PLB1: variants seen among roughly 807,000 people sequenced by gnomAD.
PLB1 encodes the protein phospholipase B1, membrane-associated.
A neutral mutation model predicts 227.4 loss-of-function variants in PLB1; 242 were observed. That is an observed-to-expected ratio of 1.06 (90% confidence interval 0.96 to 1.18). The LOEUF is 1.18. Among genes scored for constraint, PLB1 ranks in the 50% most tolerant of loss-of-function variants. The pLI is 0.00. For synonymous variants in PLB1, 757 were observed against 682.2 expected (o/e 1.11, Z -1.71); for missense variants, 1,858 against 1,816.3 (o/e 1.02, Z -0.42).
intron 56 of PLB1, among the ~76,000 whole-genome samples, chr2:28,637,577 C>A (rs2148349876): frequency 6.6e-6 from 1 of 152,342 alleles, no homozygotes; most frequent in South Asian, 2.1e-4. Flanking sequence ...GCAGGCCAGG[C>A]CCCATAGCAC....
chr2:28,643,911 C>A lies in PLB1; in HGVS notation c.*850C>A, dbSNP rs1423829375. ...AGTCTGAAAATATGGGCTGCATTCA[C>A]TGAGCCCCTGCTAGGGGCGAGGCCC... On this transcript the variant is annotated 3_prime_UTR_variant, in exon 58 of 58. Transcript: ENST00000327757. The A allele has an allele frequency of 6.6e-6, 1 of 152,250 alleles. No homozygotes were observed. The highest frequency in any genetic ancestry group is 2.4e-5 in the African/African-American group (1 of 41,454). 9.4% of individuals were successfully genotyped at this position (152,250 alleles called of 1,614,324 possible). A position where few individuals can be genotyped will look rare whatever the true frequency, so the allele number is the denominator to read the frequency against.
intron 8 of PLB1, 119 bp from the exon 9 acceptor site, chr2:28,531,989 T>A (rs939808539): frequency 4.0e-6 from 3 of 754,998 alleles, no homozygotes; most frequent in Non-Finnish European, 4.4e-6. Flanking sequence ...TTGAAAAAAA[T>A]TCATACATGA....
chr2:28,620,469 A>C, intron 47 of PLB1, 131 bp from the exon 48 acceptor site: 1 of 1,363,610 alleles, frequency 7.3e-7, no homozygotes, highest in Non-Finnish European at 1.0e-6. Flanking sequence ...CAATGCTTGC[A>C]TTACCCCTGA....
At chr2:28,580,818 TGAG>T (rs1679804876) in intron 23 of PLB1, among the ~76,000 whole-genome samples, 1 of 151,766 alleles carries the variant, frequency 6.6e-6, no homozygotes, top group Non-Finnish European at 1.5e-5. Flanking sequence ...GGCTTGAAGA[TGAG>T]GAGGTTTGTC....
intron 8 of PLB1, among the ~76,000 whole-genome samples, chr2:28,531,722 T>A (rs1254548938): frequency 6.6e-6 from 1 of 152,242 alleles, no homozygotes; most frequent in African/African-American, 2.4e-5. Flanking sequence ...TCATGAGTAT[T>A]CCACAGTTTA....
At chr2:28,581,604 C>T (rs1439437129) in intron 23 of PLB1, among the ~76,000 whole-genome samples, 1 of 152,018 alleles carries the variant, frequency 6.6e-6, no homozygotes, top group Non-Finnish European at 1.5e-5. Flanking sequence ...GATCATGGGG[C>T]TGGTGTCCAG....
chr2:28,583,696 G>A lies in PLB1; in HGVS notation c.1733+1191G>A, dbSNP rs193012382. On this transcript the variant is annotated intron_variant, in intron 25 of 57. Transcript: ENST00000327757. ...CATGCCCACAAAGGGTAGCAAAATG[G>A]CACATGTGCAGGCCGGATGCTCCAA... is the stretch of plus-strand genomic sequence containing the variant. Among the ~76,000 whole-genome samples, 463 of 152,260 alleles carry A rather than the reference G, an allele frequency of 3.0e-3. 1 individual carries two copies. The highest frequency in any genetic ancestry group is 3.2e-3 in the Non-Finnish European group (216 of 68,018).
intron 33 of PLB1, among the ~76,000 whole-genome samples, chr2:28,597,040 A>G (rs919103209): frequency 1.4e-4 from 21 of 152,198 alleles, no homozygotes; most frequent in African/African-American, 3.4e-4. Context: ...GAGGCGGGCG[A>G]ATCATGAGGT....
intron 45 of PLB1, 37 bp downstream of exon 45, chr2:28,617,824 C>T (rs1534478): frequency 0.29 from 455,737 of 1,586,420 alleles, 66,420 homozygotes; most frequent in East Asian, 0.32. Context: ...CAATTAAGGG[C>T]CTTGCCGAAT....
Position 28,620,817 on chromosome 2 carries a change from G to A in PLB1, c.3428-62G>A. On this transcript the variant is annotated intron_variant, in intron 48 of 57. Transcript: ENST00000327757. ...GTCCCCACCCTGCATGCTCATCTCA[G>A]TTACTGTGAGGGTCCTGCAGGCTCT... The A allele has an allele frequency of 2.0e-6, 3 of 1,506,354 alleles. No homozygotes were observed. In the South Asian group the frequency reaches 3.4e-5, roughly 17 times the overall value. 93.3% of individuals were successfully genotyped at this position (1,506,354 alleles called of 1,614,324 possible). A position where few individuals can be genotyped will look rare whatever the true frequency, so the allele number is the denominator to read the frequency against.
intron 13 of PLB1, 25 bp downstream of exon 13, chr2:28,541,836 C>G (rs371732263): frequency 5.1e-6 from 8 of 1,575,216 alleles, no homozygotes; most frequent in Non-Finnish European, 5.2e-6. Flanking sequence ...CATGGCGTAT[C>G]AAGAGTGTGG....
At chr2:28,540,536 T>C (rs1558705289) in intron 12 of PLB1, 95 bp downstream of exon 12, 5 of 1,012,584 alleles carry the variant, frequency 4.9e-6, no homozygotes, top group Non-Finnish European at 7.6e-6. Flanking sequence ...TTGAGTTTGC[T>C]AATGTTAGGA....
At position 28,593,696 on chromosome 2, in the gene PLB1, G is replaced by A. The variant is rs778384244; in HGVS notation, c.2263G>A (p.Gly755Ser). ...GDSLTAGNGI[G>S]SKPDDLPDVT... ...ATTTTCAAAGGCTGGCAATGGAATT[G>A]GCTCCAAACCAGACGACCTCCCCGA... The change falls in exon 33 of 58, where the codon GGC becomes AGC. Residue 755 changes from glycine to serine, a missense_variant. By Grantham distance (56) the Gly-to-Ser change is moderately conservative. Coordinates refer to ENST00000327757, the MANE Select transcript of PLB1 (RefSeq NM_153021.5). 1 of 1,613,982 alleles carries A rather than the reference G, an allele frequency of 6.2e-7. No individual in the cohort carries two copies. Among genetic ancestry groups the A allele is most frequent in the South Asian group, 1.1e-5 (1 of 91,076 alleles).
chr2:28,619,869 G>A (rs75680575), intron 46 of PLB1, among the ~76,000 whole-genome samples: 5 of 152,152 alleles, frequency 3.3e-5, no homozygotes, highest in South Asian at 2.1e-4. Context: ...CTCATTGAAG[G>A]GTCAGGGCTG....
chr2:28,579,688 GT>G lies in PLB1; in HGVS notation c.1548del (p.Cys516TrpfsTer35). The G allele has an allele frequency of 1.2e-6, 2 of 1,613,106 alleles. No homozygotes were observed. The highest frequency in any genetic ancestry group is 2.7e-5 in the African/African-American group (2 of 74,998). ...CTGTTTATAGGCGGCAATGACCTCT[GT>G]GATTTCTGCAATGATCTGGTAGGTC... is the stretch of plus-strand genomic sequence containing the variant. Reference protein sequence around the residue: ...ITLFIGGNDLCDFCNDLVHYS... With the variant: ...ITLFIGGNDLXDFCNDLVHYS... On this transcript the variant is annotated frameshift_variant, in exon 23 of 58. Coordinates refer to ENST00000327757, the MANE Select transcript of PLB1 (RefSeq NM_153021.5). LOFTEE classifies it high-confidence loss of function.
chr2:28,634,688 G>T (rs965060330), intron 56 of PLB1, among the ~76,000 whole-genome samples: 1 of 152,104 alleles, frequency 6.6e-6, no homozygotes, highest in South Asian at 2.1e-4. Flanking sequence ...CAGGTGGATC[G>T]CTTGAGCCCA....
chr2:28,547,686 G>A (rs974578674), intron 14 of PLB1, among the ~76,000 whole-genome samples: 4 of 152,074 alleles, frequency 2.6e-5, no homozygotes, highest in South Asian at 4.1e-4. Context: ...CCAGAGGTAC[G>A]ACCAGAGCCC....
intron 53 of PLB1, 65 bp downstream of exon 53, chr2:28,629,250 AAGG>A: frequency 4.0e-6 from 6 of 1,486,402 alleles, no homozygotes; most frequent in African/African-American, 1.4e-5. Context: ...GCAGGTGCCA[AAGG>A]AGGAGACCAG....
intron 14 of PLB1, among the ~76,000 whole-genome samples, chr2:28,545,780 G>A (rs958290790): frequency 2.6e-5 from 4 of 152,140 alleles, no homozygotes; most frequent in South Asian, 4.1e-4. Context: ...GAAGGCAGGT[G>A]TACCTGTTCT....
Sources: allele counts gnomAD v4.1 joint callset (sites outside exome capture counted in the v4.1 genomes callset), GRCh38; gene constraint gnomAD v4.1.1; transcripts MANE v1.5; gene names NCBI Gene and HGNC (gene_info 2026-07-23, HGNC 2026-07-21).